Variants in LHCGR observed in about 807,000 individuals in gnomAD.
LHCGR encodes lutropin-choriogonadotropic hormone receptor.
LHCGR carries 55 observed loss-of-function variants against 60.7 expected under a neutral mutation model. That is an observed-to-expected ratio of 0.91 (90% CI 0.73 to 1.13). The LOEUF (loss-of-function observed/expected upper bound fraction) is 1.13. Ranked by LOEUF, LHCGR falls within the 50% of genes most tolerant of loss-of-function variation. The probability of loss-of-function intolerance (pLI) is 0.00; values close to 1 mark genes in which losing one functional copy is unlikely to be tolerated. For synonymous variants in LHCGR, 337 were observed against 316.5 expected (o/e 1.06, Z -0.69); for missense variants, 862 against 836.0 (o/e 1.03, Z -0.38).
intron 1 of LHCGR, among the ~76,000 whole-genome samples, chr2:48,746,694 C>T (rs775361019): frequency 6.6e-6 from 1 of 152,112 alleles, no homozygotes; most frequent in African/African-American, 2.4e-5. Flanking sequence ...AAATATAAAG[C>T]CTCAGAGGAA....
In LHCGR at chr2:48,692,340, T is replaced by C. The variant is rs542775240; in HGVS notation, c.947+1884A>G. 3.3e-5 allele frequency among the ~76,000 whole-genome samples: 5 copies of C among 152,376 alleles called. No individual in the cohort carries two copies. The East Asian group carries it at 9.6e-4, about 29-fold the overall frequency. ...CTGCCATGATTTCTGGTTAAATTTATATCAACAAGAGGTCAAACATGTTTT... is the reference window on the plus strand; with the variant it reads ...CTGCCATGATTTCTGGTTAAATTTACATCAACAAGAGGTCAAACATGTTTT... On this transcript the variant is annotated intron_variant, in intron 10 of 10. Transcript: ENST00000294954.
At chr2:48,698,586 G>A (rs1320660101) in intron 9 of LHCGR, 29 bp downstream of exon 9, 1 of 1,585,234 alleles carries the variant, frequency 6.3e-7, no homozygotes, top group South Asian at 1.1e-5. Flanking sequence ...CACAGCTTGG[G>A]TAGGCTTTAC....
rs1186633571 is a variant in LHCGR, at chr2:48,686,892, T to C, written c.*805A>G. The C allele has an allele frequency of 6.6e-6, 1 of 152,188 alleles. No individual in the cohort carries two copies. The highest frequency in any genetic ancestry group is 1.5e-5 in the Non-Finnish European group (1 of 68,022). 9.4% of individuals were successfully genotyped at this position (152,188 alleles called of 1,614,324 possible). On this transcript the variant is annotated 3_prime_UTR_variant, in exon 11 of 11. Transcript: ENST00000294954. ...TAATTCTAACTCAGCACATTTGTAG[T>C]GTACCATTGCCAAGATCTTGAGGTA... is the stretch of plus-strand genomic sequence containing the variant.
At chr2:48,703,890 G>A (rs1030426383) in intron 8 of LHCGR, among the ~76,000 whole-genome samples, 5 of 151,934 alleles carry the variant, frequency 3.3e-5, no homozygotes, top group Non-Finnish European at 5.9e-5. Flanking sequence ...TCCTTCTCTC[G>A]CCTGATTGCC....
chr2:48,754,466 C>T (rs996466476), intron 1 of LHCGR, among the ~76,000 whole-genome samples: 1 of 151,968 alleles, frequency 6.6e-6, no homozygotes, highest in Non-Finnish European at 1.5e-5. Context: ...TCTTTTCTTT[C>T]CTTTTCTCTT....
chr2:48,694,168 A>C, intron 10 of LHCGR, 56 bp downstream of exon 10: 1 of 996,818 alleles, frequency 1.0e-6, no homozygotes, highest in South Asian at 1.4e-5. Flanking sequence ...TGCTGATAAT[A>C]AGGTGCACAC....
intron 1 of LHCGR, among the ~76,000 whole-genome samples, chr2:48,749,095 T>A (rs1669838323): frequency 6.6e-6 from 1 of 152,228 alleles, no homozygotes; most frequent in African/African-American, 2.4e-5. Flanking sequence ...AGGAATTAAA[T>A]CTTCATTCTG....
rs539169996 is a variant in LHCGR at position 48,741,186 on chromosome 2, C to G, written c.162-9888G>C. Among the ~76,000 whole-genome samples the G allele has an allele frequency of 1.2e-4, 19 of 152,170 alleles. No homozygotes were observed. In the South Asian group the frequency reaches 3.5e-3, roughly 28 times the overall value. Reference sequence around the variant, plus strand: ...AGCAAAGCCTCCAAGAAATATGGGACTATGTGAAAAGACCAAATCTACGTC... The same window carrying G: ...AGCAAAGCCTCCAAGAAATATGGGAGTATGTGAAAAGACCAAATCTACGTC... On this transcript the variant is annotated intron_variant, in intron 1 of 10. Transcript: ENST00000294954.
At chr2:48,735,385 C>T (rs1009559043) in intron 1 of LHCGR, among the ~76,000 whole-genome samples, 2 of 152,234 alleles carry the variant, frequency 1.3e-5, no homozygotes, top group Non-Finnish European at 2.9e-5. Context: ...TTCCCACATG[C>T]TATGCTGGTG....
At chr2:48,733,117 C>T (rs1572877528) in intron 1 of LHCGR, 1 of 369,680 alleles carries the variant, frequency 2.7e-6, no homozygotes, top group Admixed American at 3.7e-5. Context: ...TCCACTGTAC[C>T]CCTTGCAGCA....
At chr2:48,738,872 T>A (rs956431137) in intron 1 of LHCGR, among the ~76,000 whole-genome samples, 1 of 152,268 alleles carries the variant, frequency 6.6e-6, no homozygotes, top group Admixed American at 6.5e-5. Context: ...ATTTCACATT[T>A]TGAAAACTTT....
chr2:48,731,385 G>A, intron 1 of LHCGR, 87 bp from the exon 2 acceptor site: 1 of 875,790 alleles, frequency 1.1e-6, no homozygotes, highest in Non-Finnish European at 1.9e-6. Flanking sequence ...ATGTGTATGT[G>A]TGTGAGAGAC....
chr2:48,748,929 T>C (rs56330240), intron 1 of LHCGR, among the ~76,000 whole-genome samples: 1,528 of 152,206 alleles, frequency 0.01, 13 homozygotes, highest in Non-Finnish European at 0.014. Flanking sequence ...TTTGAATAAT[T>C]TGGGGACTGC....
intron 2 of LHCGR, among the ~76,000 whole-genome samples, chr2:48,729,696 T>C (rs746462698): frequency 3.3e-5 from 5 of 152,216 alleles, no homozygotes; most frequent in Non-Finnish European, 7.3e-5. Context: ...AATTGTTTCA[T>C]AACTCTTAAC....
At chr2:48,695,473 T>C (rs531921863) in intron 9 of LHCGR, among the ~76,000 whole-genome samples, 1 of 152,258 alleles carries the variant, frequency 6.6e-6, no homozygotes, top group Admixed American at 6.5e-5. Context: ...AATTAGTTCA[T>C]CCACTGTGGA....
chr2:48,707,823 C>G (rs1391117364), intron 8 of LHCGR, among the ~76,000 whole-genome samples: 1 of 152,184 alleles, frequency 6.6e-6, no homozygotes, highest in South Asian at 2.1e-4. Flanking sequence ...AGCATGGGAC[C>G]CAGCGAGCCA....
chr2:48,731,158 G>A (rs1668967785), intron 2 of LHCGR, 69 bp downstream of exon 2: 3 of 1,051,614 alleles, frequency 2.9e-6, no homozygotes, highest in South Asian at 1.3e-5. Flanking sequence ...CCTTTCAAAT[G>A]TGTTTTCTCT....
intron 3 of LHCGR, among the ~76,000 whole-genome samples, chr2:48,727,241 C>T (rs1013738364): frequency 5.3e-5 from 8 of 151,244 alleles, no homozygotes; most frequent in African/African-American, 1.9e-4. Flanking sequence ...GTCTGGGCAA[C>T]ACAGTGAGAC....
At chr2:48,740,903 A>C (rs1669419354) in intron 1 of LHCGR, among the ~76,000 whole-genome samples, 1 of 152,224 alleles carries the variant, frequency 6.6e-6, no homozygotes, top group Non-Finnish European at 1.5e-5. Flanking sequence ...GAGCTACGGG[A>C]GGACATTCAA....
Sources: allele counts gnomAD v4.1 joint callset (sites outside exome capture counted in the v4.1 genomes callset), GRCh38; gene constraint gnomAD v4.1.1; transcripts MANE v1.5; gene names NCBI Gene and HGNC (gene_info 2026-07-23, HGNC 2026-07-21).